The following CFAP157 variants were observed in gnomAD, a reference collection of about 807,000 sequenced individuals.
The protein encoded by CFAP157 is cilia- and flagella-associated protein 157.
CFAP157 carries 43 observed loss-of-function variants against 57.8 expected under a neutral mutation model. That is an observed-to-expected ratio of 0.74 (90% CI 0.58 to 0.96). The LOEUF (loss-of-function observed/expected upper bound fraction) is 0.96. Ranked by LOEUF, CFAP157 falls within the 40% of genes least tolerant of loss-of-function variation. CFAP157 has a pLI of 0.00. For missense variants in CFAP157, 606 were observed against 655.3 expected, an observed-to-expected ratio of 0.92 and a Z score of 0.82; for synonymous variants, 267 against 269.0, an observed-to-expected ratio of 0.99 and a Z score of 0.07.
In CFAP157 at chr9:127,714,072, G is replaced by A; in HGVS notation, c.*167G>A. 6.2e-7 allele frequency: 1 copy of A among 1,606,520 alleles called. No individual in the cohort carries two copies. Among genetic ancestry groups the A allele is most frequent in the South Asian group, 1.1e-5 (1 of 90,518 alleles). On this transcript the variant is annotated 3_prime_UTR_variant, in exon 9 of 9. Coordinates refer to ENST00000373295, the MANE Select transcript of CFAP157 (RefSeq NM_001012502.3). Reference sequence around the variant, plus strand: ...AGTGGCTGGGTTGGTGGGCACTACAGTCAGGCAGGCAGCCATGGCCACTAG... The same window carrying A: ...AGTGGCTGGGTTGGTGGGCACTACAATCAGGCAGGCAGCCATGGCCACTAG...
chr9:127,707,703 C>G (rs776167200), intron 1 of CFAP157, among the ~76,000 whole-genome samples: 38 of 152,310 alleles, frequency 2.5e-4, no homozygotes, highest in Middle Eastern at 3.4e-3. Flanking sequence ...ATTCTAGAGC[C>G]AGTTTTGTGT....
At position 127,714,647 on chromosome 9, in the gene CFAP157, G is replaced by C. The variant is rs1842878275; in HGVS notation, c.*742G>C. The C allele has an allele frequency of 3.1e-6, 5 of 1,613,808 alleles. No homozygotes were observed. The African/African-American group carries it at 4.0e-5, about 13-fold the overall frequency. ...TCAGAGCCAGTCTCCCCAGGGGCTT[G>C]TCCAGCTCATCATGCACCAGGTAGA... On this transcript the variant is annotated 3_prime_UTR_variant, in exon 9 of 9. Coordinates refer to ENST00000373295, the MANE Select transcript of CFAP157 (RefSeq NM_001012502.3).
rs766299570 is a variant in CFAP157 at position 127,709,430 on chromosome 9, G to C, written c.170G>C (p.Arg57Pro). ...CTCTGCCCCTGCCCCAGGTACCAGC[G>C]GAAGTGGGATGAGCTGGCTGTGCAG... ...DLEDRLARYQ[R>P]KWDELAVQEK... Residue 57 changes from arginine (R) to proline (P), a missense_variant, in exon 2 of 9, where the codon CGG (arginine) becomes CCG (proline). Coordinates refer to ENST00000373295, the MANE Select transcript of CFAP157 (RefSeq NM_001012502.3). The surrounding 1 kb of genome is among the most constrained non-coding windows in gnomAD (Gnocchi z 4.7). 1 of 1,613,334 alleles carries C rather than the reference G, an allele frequency of 6.2e-7. No homozygotes were observed. Among genetic ancestry groups the C allele is most frequent in the South Asian group, 1.1e-5 (1 of 91,026 alleles).
chr9:127,711,069 G>C (rs1056599222), intron 3 of CFAP157, among the ~76,000 whole-genome samples, 160 bp from the exon 4 acceptor site: 3 of 152,278 alleles, frequency 2.0e-5, no homozygotes, highest in Middle Eastern at 3.4e-3. Context: ...AGGTCCAGAG[G>C]ATCTACAGGG....
intron 4 of CFAP157, 42 bp from the exon 5 acceptor site, chr9:127,711,778 A>T: frequency 6.5e-7 from 1 of 1,540,152 alleles, no homozygotes; most frequent in East Asian, 2.4e-5. Context: ...CAGCTGGGGG[A>T]CAGGGCAGGC....
chr9:127,711,622 G>C, intron 4 of CFAP157, 126 bp downstream of exon 4: 1 of 1,273,304 alleles, frequency 7.9e-7, no homozygotes. Context: ...GAGAGGACTG[G>C]GCCTCCTGTG....
chr9:127,711,456 C>T lies in CFAP157; in HGVS notation c.815C>T (p.Thr272Ile). ...LCKQLELLEN[T>I]QKVMARHKRG... ...AAACAGCTGGAGCTGCTGGAGAACACCCAGAAGGTCATGGCCAGGCACAAA... is the reference window on the plus strand; with the variant it reads ...AAACAGCTGGAGCTGCTGGAGAACATCCAGAAGGTCATGGCCAGGCACAAA... The change falls in exon 4 of 9, where the codon ACC (threonine) becomes ATC (isoleucine). Residue 272 changes from threonine to isoleucine, a missense_variant. Coordinates refer to ENST00000373295, the MANE Select transcript of CFAP157 (RefSeq NM_001012502.3). 2.5e-6 allele frequency: 4 copies of T among 1,614,008 alleles called. No individual in the cohort carries two copies. The highest frequency in any genetic ancestry group is 2.5e-6 in the Non-Finnish European group (3 of 1,180,026).
At chr9:127,712,986 G>A (rs777719317) in intron 7 of CFAP157, 34 bp from the exon 8 acceptor site, 17 of 1,606,556 alleles carry the variant, frequency 1.1e-5, no homozygotes, top group Middle Eastern at 1.6e-4. Flanking sequence ...CTGGCTCGCC[G>A]AAGGCTCTGT....
intron 6 of CFAP157, 59 bp downstream of exon 6, chr9:127,712,408 G>T (rs1842788092): frequency 6.3e-7 from 1 of 1,588,504 alleles, no homozygotes; most frequent in East Asian, 2.3e-5. Flanking sequence ...CAAGATGGAA[G>T]CTGCTTGCAG....
chr9:127,707,001 C>G lies in CFAP157; in HGVS notation c.-31C>G. ...TCCTTAGCAACCACCTGGCCTCTTC[C>G]TGGGGCCTGGAGCCCTGGTTGCCAT... On this transcript the variant is annotated 5_prime_UTR_variant, in exon 1 of 9. Coordinates refer to ENST00000373295, the MANE Select transcript of CFAP157 (RefSeq NM_001012502.3). 6.2e-7 allele frequency: 1 copy of G among 1,610,740 alleles called. No individual in the cohort carries two copies. The highest frequency in any genetic ancestry group is 1.1e-5 in the South Asian group (1 of 90,886).
chr9:127,708,807 G>C (rs747581636), intron 1 of CFAP157, among the ~76,000 whole-genome samples: 9 of 152,240 alleles, frequency 5.9e-5, no homozygotes, highest in Non-Finnish European at 8.8e-5. Flanking sequence ...GGCCAAGAAG[G>C]GTCCACTGAG....
rs1475456570 is a variant in CFAP157 at position 127,712,290 on chromosome 9, C to T, written c.1078C>T (p.Arg360Trp). 6 of 1,613,904 alleles carry T rather than the reference C, an allele frequency of 3.7e-6. No individual in the cohort carries two copies. The highest frequency in any genetic ancestry group is 3.3e-5 in the Admixed American group (2 of 60,000). ...GGAACTGGCTAATGAGCAGAAGGTT[C>T]GGGCCAGCCTGGAGGCGGCTCTGGT... ...QQELANEQKVRASLEAALVQA... is the reference protein window; with the variant it reads ...QQELANEQKVWASLEAALVQA... Residue 360 changes from arginine (R) to tryptophan (W), a missense_variant, in exon 6 of 9, where the codon CGG (arginine) becomes TGG (tryptophan). Transcript: ENST00000373295.
chr9:127,710,770 A>G lies in CFAP157; in HGVS notation c.587+16A>G. ...ACAAGGACAGGTGGGCAAGCGGGGC[A>G]CCCTTTGGGGCCTTTGGAGGCTTCA... On this transcript the variant is annotated intron_variant, in intron 3 of 8. Transcript: ENST00000373295. 2 of 1,556,600 alleles carry G rather than the reference A, an allele frequency of 1.3e-6. No homozygotes were observed. Among genetic ancestry groups the G allele is most frequent in the Non-Finnish European group, 1.7e-6 (2 of 1,149,430 alleles).
In CFAP157 at chr9:127,709,139, C is replaced by T. The variant is rs550639839; in HGVS notation, c.162-283C>T. 9.0e-4 allele frequency among the ~76,000 whole-genome samples: 137 copies of T among 152,356 alleles called. No individual in the cohort carries two copies. The highest frequency in any genetic ancestry group is 1.5e-3 in the Non-Finnish European group (100 of 68,032). On this transcript the variant is annotated intron_variant, in intron 1 of 8. Transcript: ENST00000373295. This position sits in a 1 kb window ranked among gnomAD's most constrained non-coding sequence, Gnocchi z 4.7. ...AACACACTGCACACCTGCTATCTGC[C>T]AGGCACAGGTGTTGGGGACATACTT...
In CFAP157 at chr9:127,715,207, C is replaced by A. The variant is rs1484938580; in HGVS notation, c.*1302C>A. Reference sequence around the variant, plus strand: ...CCAGGCCAGCCACCTGCGGGCGGCACCAGGGAAACTGAGGCCCAACAACTC... The same window carrying A: ...CCAGGCCAGCCACCTGCGGGCGGCAACAGGGAAACTGAGGCCCAACAACTC... On this transcript the variant is annotated 3_prime_UTR_variant, in exon 9 of 9. Transcript: ENST00000373295. The surrounding 1 kb of genome is among the most constrained non-coding windows in gnomAD (Gnocchi z 5.8). The A allele has an allele frequency of 2.0e-6, 3 of 1,526,914 alleles. No homozygotes were observed. Among genetic ancestry groups the A allele is most frequent in the Admixed American group, 4.0e-5 (2 of 49,918 alleles). 94.6% of individuals were successfully genotyped at this position (1,526,914 alleles called of 1,614,324 possible).
Position 127,711,860 on chromosome 9 carries a change from A to G in CFAP157, c.896A>G (p.Gln299Arg). 1 of 1,582,332 alleles carries G rather than the reference A, an allele frequency of 6.3e-7. No individual in the cohort carries two copies. The highest frequency in any genetic ancestry group is 1.2e-5 in the South Asian group (1 of 86,412). ...MLTKKCQEQQ[Q>R]DTKEAEELRL... ...ACTAAGAAGTGCCAGGAGCAGCAGC[A>G]GGACACCAAGGAGGCCGAGGAGCTG... The change falls in exon 5 of 9, where the codon CAG (glutamine) becomes CGG (arginine). Residue 299 changes from glutamine to arginine, a missense_variant. By Grantham distance (43) the Gln-to-Arg change is conservative (BLOSUM62 1). Transcript: ENST00000373295.
rs1842969666 is a variant in CFAP157 at position 127,715,870 on chromosome 9, G to C, written c.*1965G>C. 5 of 882,102 alleles carry C rather than the reference G, an allele frequency of 5.7e-6. No homozygotes were observed. In the South Asian group the frequency reaches 8.3e-5, roughly 15 times the overall value. The allele number at this position is 882,102 out of a possible 1,614,324, so 54.6% of individuals were successfully genotyped here. Reference sequence around the variant, plus strand: ...TCGGGACTTGTGTGGGACGCTCGGAGCTCTTGCTTGACCTTCGGTTGGGAG... The same window carrying C: ...TCGGGACTTGTGTGGGACGCTCGGACCTCTTGCTTGACCTTCGGTTGGGAG... On this transcript the variant is annotated 3_prime_UTR_variant, in exon 9 of 9. Coordinates refer to ENST00000373295, the MANE Select transcript of CFAP157 (RefSeq NM_001012502.3). The surrounding 1 kb of genome is among the most constrained non-coding windows in gnomAD (Gnocchi z 5.8).
rs963981258 is a variant in CFAP157, at chr9:127,715,652, C to A, written c.*1747C>A. ...CGCCCGGCCTCATGCTGCCCCCATT[C>A]ACTCCGACACCGCCCCCTGACGTCA... On this transcript the variant is annotated 3_prime_UTR_variant, in exon 9 of 9. Coordinates refer to ENST00000373295, the MANE Select transcript of CFAP157 (RefSeq NM_001012502.3). This position sits in a 1 kb window ranked among gnomAD's most constrained non-coding sequence, Gnocchi z 5.8. The A allele has an allele frequency of 1.2e-5, 19 of 1,609,210 alleles. No homozygotes were observed. In the Admixed American group the frequency reaches 2.8e-4, roughly 24 times the overall value.
In CFAP157 at chr9:127,714,248, G is replaced by A. The variant is rs367619523; in HGVS notation, c.*343G>A. 3.9e-5 allele frequency: 63 copies of A among 1,613,836 alleles called. No homozygotes were observed. The highest frequency in any genetic ancestry group is 3.2e-4 in the African/African-American group (24 of 74,942). Reference sequence around the variant, plus strand: ...GGCCTGAACCGCCTCAGGGTGCGCCGGGCGCCCGATACCCACCCGCAGCCT... The same window carrying A: ...GGCCTGAACCGCCTCAGGGTGCGCCAGGCGCCCGATACCCACCCGCAGCCT... On this transcript the variant is annotated 3_prime_UTR_variant, in exon 9 of 9. Transcript: ENST00000373295.
Sources: allele counts gnomAD v4.1 joint callset (sites outside exome capture counted in the v4.1 genomes callset), GRCh38; gene constraint gnomAD v4.1.1; non-coding constraint Gnocchi (gnomAD v3.1); transcripts MANE v1.5; gene names NCBI Gene and HGNC (gene_info 2026-07-23, HGNC 2026-07-21).